The following DIP2C variants were observed in gnomAD, a reference collection of about 807,000 sequenced individuals.
DIP2C encodes the protein DIP2 acetate--CoA ligase C (putative).
Under a neutral mutation model 192.4 loss-of-function variants are expected in DIP2C, and 33 were observed. That is an observed-to-expected ratio of 0.17 (90% CI 0.13 to 0.23). The LOEUF is 0.23. Ranked by LOEUF, DIP2C falls within the 10% of genes least tolerant of loss-of-function variation. DIP2C has a pLI of 1.00. For missense variants in DIP2C, 1,537 were observed against 2,110.1 expected (o/e 0.73, Z 5.32); for synonymous variants, 979 against 864.1 (o/e 1.13, Z -2.33).
intron 9 of DIP2C, among the ~76,000 whole-genome samples, chr10:405,272 AAAGG>A (rs1010755329): frequency 3.3e-5 from 5 of 152,326 alleles, no homozygotes; most frequent in African/African-American, 1.2e-4. Flanking sequence ...GCCTCTGCTC[AAAGG>A]AAGTTCTTCT....
chr10:415,667 T>G, intron 7 of DIP2C, 102 bp downstream of exon 7: 4 of 1,499,420 alleles, frequency 2.7e-6, no homozygotes, highest in Non-Finnish European at 3.6e-6. Flanking sequence ...AATGCCACGA[T>G]TACTGCTCTT....
At chr10:461,264 TAG>T (rs1412897036) in intron 3 of DIP2C, among the ~76,000 whole-genome samples, 2 of 152,130 alleles carry the variant, frequency 1.3e-5, no homozygotes, top group Non-Finnish European at 2.9e-5. Context: ...GCAAACTGGA[TAG>T]AGTCAAGACC....
At chr10:644,831 G>T (rs1390427399) in intron 1 of DIP2C, among the ~76,000 whole-genome samples, 1 of 152,252 alleles carries the variant, frequency 6.6e-6, no homozygotes, top group Admixed American at 6.5e-5. Flanking sequence ...ATGAAACACG[G>T]CCCCTGGGCC....
chr10:485,402 C>CCTCT (rs1175291527), intron 2 of DIP2C, among the ~76,000 whole-genome samples: 1 of 152,240 alleles, frequency 6.6e-6, no homozygotes, highest in Non-Finnish European at 1.5e-5. Context: ...CCAGCCCAGC[C>CCTCT]CTCTGCTCCC....
intron 1 of DIP2C, among the ~76,000 whole-genome samples, chr10:505,961 T>TGGA (rs1370493000): frequency 6.6e-6 from 1 of 152,200 alleles, no homozygotes; most frequent in Non-Finnish European, 1.5e-5. Context: ...GGTTTTCTCC[T>TGGA]GGAGAAGTAA....
At chr10:285,585 G>C (rs1251026413) in intron 34 of DIP2C, among the ~76,000 whole-genome samples, 1 of 152,258 alleles carries the variant, frequency 6.6e-6, no homozygotes, top group Non-Finnish European at 1.5e-5. Flanking sequence ...CAGTGCCAGA[G>C]AGAATGCGGC....
intron 8 of DIP2C, 71 bp downstream of exon 8, chr10:413,842 T>G: frequency 1.9e-6 from 3 of 1,550,906 alleles, no homozygotes; most frequent in Non-Finnish European, 2.6e-6. Flanking sequence ...AAACGGACAC[T>G]GAGTTTCCTG....
At chr10:552,877 G>T (rs1381354095) in intron 1 of DIP2C, among the ~76,000 whole-genome samples, 2 of 152,198 alleles carry the variant, frequency 1.3e-5, no homozygotes, top group African/African-American at 2.4e-5. Flanking sequence ...CCCCATGTCT[G>T]CCCTGGCTCC....
At chr10:604,504 T>C (rs1852326957) in intron 1 of DIP2C, among the ~76,000 whole-genome samples, 1 of 152,178 alleles carries the variant, frequency 6.6e-6, no homozygotes, top group Non-Finnish European at 1.5e-5. Flanking sequence ...AGAAAGTAAG[T>C]ACAGTGTGCC....
chr10:307,185 A>G (rs1956362362), intron 32 of DIP2C, among the ~76,000 whole-genome samples: 1 of 152,182 alleles, frequency 6.6e-6, no homozygotes, highest in Non-Finnish European at 1.5e-5. Context: ...TGTGCCAAAT[A>G]CACTTCTTTT....
chr10:422,253 T>C (rs959381408), intron 5 of DIP2C, among the ~76,000 whole-genome samples: 2 of 152,192 alleles, frequency 1.3e-5, no homozygotes, highest in African/African-American at 4.8e-5. Context: ...GTGAGGCCCA[T>C]CACCGCTCCC....
intron 2 of DIP2C, among the ~76,000 whole-genome samples, chr10:482,817 T>C (rs1171676206): frequency 6.6e-6 from 1 of 152,188 alleles, no homozygotes; most frequent in African/African-American, 2.4e-5. Flanking sequence ...GTGGATTTTA[T>C]TTCCTAGGTT....
intron 1 of DIP2C, among the ~76,000 whole-genome samples, chr10:600,124 A>G (rs533729302): frequency 1.3e-5 from 2 of 152,252 alleles, no homozygotes; most frequent in East Asian, 3.9e-4. Flanking sequence ...GCACACAGAG[A>G]CCCTGTAGTA....
chr10:390,826 C>T lies in DIP2C; in HGVS notation c.1298G>A (p.Ser433Asn). Residue 433 changes from serine to asparagine, a missense_variant, in exon 11 of 37, where the codon AGC becomes AAC. Coordinates refer to ENST00000280886, the MANE Select transcript of DIP2C (RefSeq NM_014974.3). Reference sequence around the variant, plus strand: ...AGTCAAGGCTACAGTAACTCCACAGCTTCCAAGCAAGAAACCTATCTGCTG... The same window carrying T: ...AGTCAAGGCTACAGTAACTCCACAGTTTCCAAGCAAGAAACCTATCTGCTG... ...GSQQIGFLLGSCGVTVALTSD... is the reference protein window; with the variant it reads ...GSQQIGFLLGNCGVTVALTSD... 1 of 1,614,148 alleles carries T rather than the reference C, an allele frequency of 6.2e-7. No individual in the cohort carries two copies. The highest frequency in any genetic ancestry group is 8.5e-7 in the Non-Finnish European group (1 of 1,180,020).
intron 1 of DIP2C, among the ~76,000 whole-genome samples, chr10:645,290 T>C (rs1855390408): frequency 6.6e-6 from 1 of 152,070 alleles, no homozygotes; most frequent in Non-Finnish European, 1.5e-5. Flanking sequence ...GAAAAGTCTA[T>C]CAGAGTACAC....
intron 31 of DIP2C, among the ~76,000 whole-genome samples, chr10:314,349 C>T (rs1956685626): frequency 6.6e-6 from 1 of 152,226 alleles, no homozygotes; most frequent in Non-Finnish European, 1.5e-5. Context: ...GTCGTCCTCC[C>T]TTTCTAGCCA....
intron 1 of DIP2C, among the ~76,000 whole-genome samples, chr10:587,014 G>T (rs1000943669): frequency 6.5e-4 from 92 of 141,274 alleles, no homozygotes; most frequent in African/African-American, 2.3e-3. Context: ...AAACAGTGCA[G>T]GGTCTAAGGC....
rs938419476 is a variant in DIP2C at position 563,378 on chromosome 10, T to C, written c.86-76848A>G. Among the ~76,000 whole-genome samples, 33 of 152,100 alleles carry C rather than the reference T, an allele frequency of 2.2e-4. 1 individual carries two copies. Among genetic ancestry groups the C allele is most frequent in the African/African-American group, 8.0e-4 (33 of 41,342 alleles). On this transcript the variant is annotated intron_variant, in intron 1 of 36. Coordinates refer to ENST00000280886, the MANE Select transcript of DIP2C (RefSeq NM_014974.3). Reference sequence around the variant, plus strand: ...TTCCCCGATCCTTTAAAAAACCTCCTAACAGCAGTTGTATTCCACCCCCTT... The same window carrying C: ...TTCCCCGATCCTTTAAAAAACCTCCCAACAGCAGTTGTATTCCACCCCCTT...
At chr10:601,057 G>A (rs907740516) in intron 1 of DIP2C, among the ~76,000 whole-genome samples, 15 of 151,954 alleles carry the variant, frequency 9.9e-5, no homozygotes, top group East Asian at 7.8e-4. Flanking sequence ...GGGCTCTGGC[G>A]TACTCTGAAA....
Sources: allele counts gnomAD v4.1 joint callset (sites outside exome capture counted in the v4.1 genomes callset), GRCh38; gene constraint gnomAD v4.1.1; transcripts MANE v1.5; gene names NCBI Gene and HGNC (gene_info 2026-07-23, HGNC 2026-07-21).